Variants in SMOC1 observed in about 807,000 individuals in gnomAD.
SMOC1 encodes SPARC related modular calcium binding 1.
In SMOC1, 22 loss-of-function variants were observed where a neutral mutation model predicts 56.3. The observed-to-expected ratio is 0.39, with a 90% CI of 0.28 to 0.56. The LOEUF is 0.56. Among genes scored for constraint, SMOC1 ranks in the 20% least tolerant of loss-of-function variants. The pLI is 0.61. For missense variants in SMOC1, 509 were observed against 565.4 expected (o/e 0.90, Z 1.01); for synonymous variants, 193 against 215.0 (o/e 0.90, Z 0.89).
At chr14:70,019,772 C>G (rs1423781535) in intron 10 of SMOC1, among the ~76,000 whole-genome samples, 1 of 152,150 alleles carries the variant, frequency 6.6e-6, no homozygotes, top group Non-Finnish European at 1.5e-5. Context: ...CAGCACTCCC[C>G]CAGGAAAAAT....
At chr14:69,974,154 T>C (rs1199816697) in intron 3 of SMOC1, among the ~76,000 whole-genome samples, 3 of 152,114 alleles carry the variant, frequency 2.0e-5, no homozygotes, top group Non-Finnish European at 4.4e-5. Context: ...TAGAAATAAC[T>C]AGCATGCAGT....
At chr14:69,977,872 C>T (rs771175522) in intron 4 of SMOC1, 46 bp from the exon 5 acceptor site, 11 of 1,563,158 alleles carry the variant, frequency 7.0e-6, no homozygotes, top group Admixed American at 3.3e-5. Context: ...AAACCAACCA[C>T]AATGCATTCT....
rs1225559545 is a variant in SMOC1 at position 69,925,133 on chromosome 14, G to A, written c.100-27005G>A. ...GGGGGGAGAGGAGCTAGAGAAGGAG[G>A]GGAGGTAGGGGAGGAGTGAGAGTAG... is the stretch of plus-strand genomic sequence containing the variant. On this transcript the variant is annotated intron_variant, in intron 1 of 11. Transcript: ENST00000361956. Among the ~76,000 whole-genome samples, 7 of 32,316 alleles carry A rather than the reference G, an allele frequency of 2.2e-4. 1 individual carries two copies. The highest frequency in any genetic ancestry group is 9.9e-4 in the Admixed American group (3 of 3,030). The allele number at this position is 32,316 out of a possible 152,430, so 21.2% of individuals were successfully genotyped here. A position where few individuals can be genotyped will look rare whatever the true frequency, so the allele number is the denominator to read the frequency against.
intron 1 of SMOC1, among the ~76,000 whole-genome samples, chr14:69,919,338 A>G (rs1594801348): frequency 1.3e-5 from 2 of 152,082 alleles, no homozygotes; most frequent in Admixed American, 6.5e-5. Context: ...TTTAGACTCT[A>G]CCTTTCCAGC....
At chr14:70,006,038 A>G (rs898396106) in intron 7 of SMOC1, among the ~76,000 whole-genome samples, 4 of 152,192 alleles carry the variant, frequency 2.6e-5, no homozygotes, top group Admixed American at 6.5e-5. Context: ...CCTGTCTTGC[A>G]TTCTGGAAGG....
intron 5 of SMOC1, among the ~76,000 whole-genome samples, chr14:69,980,120 G>C (rs1035047355): frequency 1.3e-5 from 2 of 152,142 alleles, no homozygotes; most frequent in Non-Finnish European, 2.9e-5. Flanking sequence ...AGCACCCTTT[G>C]TTCCCTTTTA....
chr14:69,932,443 G>C (rs1243293629), intron 1 of SMOC1, among the ~76,000 whole-genome samples: 1 of 152,226 alleles, frequency 6.6e-6, no homozygotes, highest in Non-Finnish European at 1.5e-5. Context: ...GGTGTGCTGA[G>C]TGAAAGGAGT....
chr14:69,899,122 A>G (rs1036294265), intron 1 of SMOC1, among the ~76,000 whole-genome samples: 1 of 152,114 alleles, frequency 6.6e-6, no homozygotes, highest in Admixed American at 6.5e-5. Flanking sequence ...CTCTGATAAA[A>G]TCCCAACAGA....
At chr14:69,934,649 G>A (rs1405222326) in intron 1 of SMOC1, among the ~76,000 whole-genome samples, 2 of 152,212 alleles carry the variant, frequency 1.3e-5, no homozygotes, top group East Asian at 3.8e-4. Flanking sequence ...TAGATGGGAG[G>A]AGGTAAGAAT....
intron 8 of SMOC1, 55 bp from the exon 9 acceptor site, chr14:70,011,430 A>T: frequency 6.6e-7 from 1 of 1,512,982 alleles, no homozygotes; most frequent in Non-Finnish European, 9.2e-7. Context: ...GTAGTGACTG[A>T]AGTAGGCTCA....
At chr14:69,967,740 A>G (rs943258718) in intron 3 of SMOC1, among the ~76,000 whole-genome samples, 1 of 152,218 alleles carries the variant, frequency 6.6e-6, no homozygotes, top group Non-Finnish European at 1.5e-5. Context: ...ATAGGCTCAG[A>G]GAGGTTAAGT....
chr14:69,947,654 C>T (rs1882838419), intron 1 of SMOC1, among the ~76,000 whole-genome samples: 1 of 152,190 alleles, frequency 6.6e-6, no homozygotes, highest in South Asian at 2.1e-4. Context: ...TCCCTCCTCT[C>T]TCTTCTCCTC....
chr14:69,881,761 G>C (rs1883646500), intron 1 of SMOC1, among the ~76,000 whole-genome samples: 1 of 152,146 alleles, frequency 6.6e-6, no homozygotes, highest in Non-Finnish European at 1.5e-5. Flanking sequence ...GTGGTTACCT[G>C]GTTGTGTTTA....
chr14:69,927,389 T>C (rs1466290031), intron 1 of SMOC1, among the ~76,000 whole-genome samples: 2 of 152,104 alleles, frequency 1.3e-5, no homozygotes, highest in Non-Finnish European at 2.9e-5. Context: ...CTAAATAAGA[T>C]GGTAGGAGGA....
At chr14:69,956,825 C>A (rs184081530) in intron 3 of SMOC1, among the ~76,000 whole-genome samples, 1 of 152,268 alleles carries the variant, frequency 6.6e-6, no homozygotes, top group East Asian at 1.9e-4. Context: ...GTACATTAGA[C>A]CATGTTAGAC....
intron 5 of SMOC1, 97 bp from the exon 6 acceptor site, chr14:69,992,320 T>C: frequency 8.1e-7 from 1 of 1,233,572 alleles, no homozygotes; most frequent in Non-Finnish European, 1.2e-6. Flanking sequence ...TGGCCGGGCC[T>C]TGTACAAACC....
At chr14:69,928,194 C>T (rs1386263947) in intron 1 of SMOC1, among the ~76,000 whole-genome samples, 5 of 152,206 alleles carry the variant, frequency 3.3e-5, no homozygotes, top group Non-Finnish European at 7.3e-5. Context: ...TGATGCTGGT[C>T]ACTGGCTTGC....
intron 5 of SMOC1, 55 bp downstream of exon 5, chr14:69,978,020 A>C: frequency 7.0e-7 from 1 of 1,430,776 alleles, no homozygotes; most frequent in African/African-American, 1.4e-5. Flanking sequence ...TGGTCCAAGC[A>C]GGATTTCTTA....
chr14:69,978,059 G>A, intron 5 of SMOC1, 94 bp downstream of exon 5: 1 of 990,202 alleles, frequency 1.0e-6, no homozygotes, highest in Non-Finnish European at 1.6e-6. Context: ...TGGGGTGAAA[G>A]CCTAAGGTGT....
Sources: gnomAD v4.1 joint callset for allele counts (sites outside exome capture counted in the v4.1 genomes callset) on GRCh38, gnomAD v4.1.1 for gene constraint, MANE v1.5 for transcripts, NCBI Gene and HGNC (gene_info 2026-07-23, HGNC 2026-07-21) for gene names.